The following LNX1 variants were observed in gnomAD, a reference collection of about 807,000 sequenced individuals.
The protein encoded by LNX1 is ligand of numb-protein X 1, also known as E3 ubiquitin-protein ligase LNX.
In LNX1, 54 loss-of-function variants were observed where a neutral mutation model predicts 68.4. That is an observed-to-expected ratio of 0.79 (90% confidence interval 0.63 to 0.99). The LOEUF (loss-of-function observed/expected upper bound fraction) is 0.99. Ranked by LOEUF, LNX1 falls within the 50% of genes least tolerant of loss-of-function variation. LNX1 has a pLI of 0.00. For synonymous variants in LNX1, 336 were observed against 350.0 expected, an observed-to-expected ratio of 0.96 and a Z score of 0.45; for missense variants, 906 against 926.4, an observed-to-expected ratio of 0.98 and a Z score of 0.29.
chr4:53,525,912 G>GAAATACCATCCT (rs1357395811), intron 2 of LNX1, among the ~76,000 whole-genome samples: 2 of 152,088 alleles, frequency 1.3e-5, no homozygotes, highest in Non-Finnish European at 2.9e-5. Flanking sequence ...ACATCTTTAG[G>GAAATACCATCCT]AAATACCATC....
chr4:53,476,529 G>A (rs1579373701), intron 9 of LNX1, among the ~76,000 whole-genome samples: 2 of 152,084 alleles, frequency 1.3e-5, no homozygotes, highest in African/African-American at 2.4e-5. Flanking sequence ...CAACCTGAAC[G>A]CCAAACAGTA....
intron 2 of LNX1, among the ~76,000 whole-genome samples, chr4:53,531,861 T>C (rs1303025712): frequency 6.6e-6 from 1 of 152,172 alleles, no homozygotes; most frequent in Non-Finnish European, 1.5e-5. Flanking sequence ...CTTTGTTCTA[T>C]CACAACAACA....
intron 1 of LNX1, among the ~76,000 whole-genome samples, chr4:53,589,407 C>T (rs1732370873): frequency 6.6e-6 from 1 of 152,174 alleles, no homozygotes; most frequent in Non-Finnish European, 1.5e-5. Context: ...ATAACAAGAA[C>T]TATCAAGGTT....
At chr4:53,497,753 T>G (rs1401309645) in intron 5 of LNX1, among the ~76,000 whole-genome samples, 1 of 152,240 alleles carries the variant, frequency 6.6e-6, no homozygotes. Context: ...CCGAGGGCCC[T>G]GTCTTATGCT....
At position 53,506,648 on chromosome 4, in the gene LNX1, A is replaced by G. The variant is rs563814296; in HGVS notation, c.775+669T>C. Among the ~76,000 whole-genome samples the G allele has an allele frequency of 1.2e-4, 18 of 152,148 alleles. No individual in the cohort carries two copies. In the South Asian group the frequency reaches 3.3e-3, roughly 28 times the overall value. ...GGTGGGTGGATCACCTGAGTTCAGG[A>G]GTTCGAGACTAGCATGACCAACATG... is the stretch of plus-strand genomic sequence containing the variant. On this transcript the variant is annotated intron_variant, in intron 4 of 10. Coordinates refer to ENST00000263925, the MANE Select transcript of LNX1 (RefSeq NM_001126328.3).
chr4:53,556,745 C>T (rs1395099186), intron 2 of LNX1, among the ~76,000 whole-genome samples: 3 of 152,308 alleles, frequency 2.0e-5, no homozygotes, highest in African/African-American at 7.2e-5. Context: ...CTTCCAAGAA[C>T]CTAGCTGTAT....
At chr4:53,564,651 C>T (rs1348815651) in intron 2 of LNX1, among the ~76,000 whole-genome samples, 8 of 152,022 alleles carry the variant, frequency 5.3e-5, no homozygotes, top group East Asian at 1.9e-4. Context: ...CCAAGATGGC[C>T]GAATAGGAAC....
chr4:53,502,983 T>G (rs1579424223), intron 4 of LNX1, among the ~76,000 whole-genome samples: 1 of 151,514 alleles, frequency 6.6e-6, no homozygotes, highest in Non-Finnish European at 1.5e-5. Context: ...CAGGCTGGAG[T>G]GCAGTGGTGC....
At chr4:53,478,165 A>G (rs1723683466) in intron 8 of LNX1, among the ~76,000 whole-genome samples, 1 of 152,174 alleles carries the variant, frequency 6.6e-6, no homozygotes, top group Non-Finnish European at 1.5e-5. Flanking sequence ...CAAATCTATC[A>G]AATGACTTTT....
intron 1 of LNX1, among the ~76,000 whole-genome samples, chr4:53,630,098 G>C (rs531250128): frequency 2.5e-4 from 38 of 152,056 alleles, no homozygotes; most frequent in Admixed American, 1.9e-3. Flanking sequence ...AAAGGTGGGG[G>C]GGGCATGCGG....
chr4:53,512,234 T>TCTAG (rs35678519), intron 2 of LNX1, among the ~76,000 whole-genome samples: 146,010 of 152,118 alleles, frequency 0.96, 70,362 homozygotes, highest in East Asian at 1. Flanking sequence ...AATTTGGAAG[T>TCTAG]TTTTCAATGT....
chr4:53,594,548 C>G (rs529994978), upstream of LNX1, among the ~76,000 whole-genome samples: 152 of 152,234 alleles, frequency 1.0e-3, no homozygotes, highest in South Asian at 2.5e-3. Flanking sequence ...CCATTCCCCC[C>G]TCCCATACCA....
chr4:53,627,371 AGTC>A (rs1370040405), intron 1 of LNX1, among the ~76,000 whole-genome samples: 3 of 152,214 alleles, frequency 2.0e-5, no homozygotes, highest in African/African-American at 7.2e-5. Flanking sequence ...AGAAAAGCGC[AGTC>A]AAGTGTTGGT....
chr4:53,477,026 C>A, intron 8 of LNX1, 45 bp from the exon 9 acceptor site: 1 of 1,513,420 alleles, frequency 6.6e-7, no homozygotes. Flanking sequence ...AGAGCACAAA[C>A]AGGGACTTCT....
intron 9 of LNX1, among the ~76,000 whole-genome samples, chr4:53,472,861 A>T (rs1723328035): frequency 6.6e-6 from 1 of 152,036 alleles, no homozygotes; most frequent in African/African-American, 2.4e-5. Context: ...GAGTTGTTAT[A>T]TTGTGCTGTG....
intron 6 of LNX1, among the ~76,000 whole-genome samples, chr4:53,494,632 T>C (rs1724922142): frequency 6.6e-6 from 1 of 152,236 alleles, no homozygotes; most frequent in African/African-American, 2.4e-5. Context: ...GCATGGGCAG[T>C]CATTTAGATA....
chr4:53,548,957 G>C (rs557783476), intron 2 of LNX1, among the ~76,000 whole-genome samples: 3 of 152,306 alleles, frequency 2.0e-5, no homozygotes, highest in Non-Finnish European at 4.4e-5. Flanking sequence ...CTAAGTGGGA[G>C]CTGAATGGTA....
At chr4:53,641,353 A>G (rs1397814531) in intron 1 of LNX1, among the ~76,000 whole-genome samples, 3 of 152,250 alleles carry the variant, frequency 2.0e-5, no homozygotes, top group Admixed American at 2.0e-4. Context: ...AGAGGGTGCC[A>G]CAGCAGGGCT....
Position 53,461,437 on chromosome 4 carries a change from A to G in LNX1, c.2049T>C (p.Ile683=), listed in dbSNP as rs754598639. 1 of 1,603,942 alleles carries G rather than the reference A, an allele frequency of 6.2e-7. No individual in the cohort carries two copies. The highest frequency in any genetic ancestry group is 8.5e-7 in the Non-Finnish European group (1 of 1,174,568). ...TTTTGATTAGTCATTATTATTACCTAATTCTTCCATCATTGTATGCTGGTG... is the reference window on the plus strand; with the variant it reads ...TTTTGATTAGTCATTATTATTACCTGATTCTTCCATCATTGTATGCTGGTG... The part of the protein sequence containing the change: ...EGTPAYNDGR[I]RCGDILLAVN... The change falls in exon 10 of 11, where the codon ATT becomes ATC. Residue 683 remains isoleucine (I), a splice_region_variant and synonymous_variant. Coordinates refer to ENST00000263925, the MANE Select transcript of LNX1 (RefSeq NM_001126328.3).
Sources: gnomAD v4.1 joint callset for allele counts (sites outside exome capture counted in the v4.1 genomes callset) on GRCh38, gnomAD v4.1.1 for gene constraint, MANE v1.5 for transcripts, NCBI Gene and HGNC (gene_info 2026-07-23, HGNC 2026-07-21) for gene names.